The following GPC5 variants were observed in gnomAD, a reference collection of about 807,000 sequenced individuals.
The protein encoded by GPC5 is glypican 5, also known as glypican-5.
In GPC5, 47 loss-of-function variants were observed where a neutral mutation model predicts 53.9. The ratio of observed to expected loss-of-function variants is 0.87; its 90% CI spans 0.69 to 1.11. The LOEUF is 1.11. Among genes scored for constraint, GPC5 ranks in the 50% most tolerant of loss-of-function variants. The pLI, the probability that GPC5 is intolerant of heterozygous loss-of-function variation, is 0.00. For synonymous variants in GPC5, 286 were observed against 263.3 expected (o/e 1.09, Z -0.84); for missense variants, 748 against 713.1 (o/e 1.05, Z -0.56).
At chr13:92,215,842 A>T (rs1380870964) in intron 7 of GPC5, among the ~76,000 whole-genome samples, 1 of 152,166 alleles carries the variant, frequency 6.6e-6, no homozygotes, top group African/African-American at 2.4e-5. Context: ...GTGCTTGTTG[A>T]TGGTCTAGTG....
At chr13:91,956,340 C>T (rs1244184625) in intron 6 of GPC5, among the ~76,000 whole-genome samples, 1 of 152,182 alleles carries the variant, frequency 6.6e-6, no homozygotes. Context: ...GGCCTGGGGA[C>T]TGGCCTGCCC....
chr13:91,815,438 C>T (rs982426009), intron 5 of GPC5, among the ~76,000 whole-genome samples: 22 of 152,144 alleles, frequency 1.4e-4, no homozygotes, highest in African/African-American at 5.1e-4. Context: ...GTTTACTCCC[C>T]TATTTTCCTT....
At chr13:92,498,123 C>T (rs1880043878) in intron 7 of GPC5, among the ~76,000 whole-genome samples, 1 of 152,026 alleles carries the variant, frequency 6.6e-6, no homozygotes, top group Admixed American at 6.5e-5. Flanking sequence ...AATTCCACTA[C>T]TTAGGGCAGG....
At chr13:91,607,677 T>TGTGGCTTAGCCAATATAAG (rs2033416582) in intron 2 of GPC5, among the ~76,000 whole-genome samples, 2 of 152,220 alleles carry the variant, frequency 1.3e-5, no homozygotes, top group Admixed American at 1.3e-4. Flanking sequence ...TTCCAAGACG[T>TGTGGCTTAGCCAATATAAG]TGTTCTTAGC....
chr13:92,847,199 C>A (rs1878640221), intron 7 of GPC5, among the ~76,000 whole-genome samples: 1 of 152,112 alleles, frequency 6.6e-6, no homozygotes, highest in Non-Finnish European at 1.5e-5. Context: ...TTTTTTACAT[C>A]ATAATACTCT....
chr13:91,650,061 G>A (rs2034660284), intron 2 of GPC5, among the ~76,000 whole-genome samples: 1 of 149,378 alleles, frequency 6.7e-6, no homozygotes, highest in Admixed American at 6.6e-5. Context: ...CTGGAACATG[G>A]ACAAGGGGAC....
chr13:92,527,386 G>A (rs1881403159), intron 7 of GPC5, among the ~76,000 whole-genome samples: 1 of 152,058 alleles, frequency 6.6e-6, no homozygotes, highest in Non-Finnish European at 1.5e-5. Context: ...AATTTTAGAA[G>A]TGGTATCATA....
At chr13:92,684,455 G>C (rs1319333467) in intron 7 of GPC5, among the ~76,000 whole-genome samples, 1 of 151,816 alleles carries the variant, frequency 6.6e-6, no homozygotes, top group South Asian at 2.1e-4. Context: ...ATTTTTAGTA[G>C]AGACAGGATT....
chr13:92,302,407 A>C (rs1371785127), intron 7 of GPC5, among the ~76,000 whole-genome samples: 1 of 152,190 alleles, frequency 6.6e-6, no homozygotes, highest in African/African-American at 2.4e-5. Flanking sequence ...CTTGGATATA[A>C]CCCAAATGCA....
intron 7 of GPC5, among the ~76,000 whole-genome samples, chr13:92,329,526 A>G (rs920556158): frequency 2.6e-5 from 4 of 152,110 alleles, no homozygotes; most frequent in Non-Finnish European, 5.9e-5. Context: ...TCAACATGAG[A>G]TTTGGAGGGG....
chr13:92,439,568 G>A (rs765777066), intron 7 of GPC5, among the ~76,000 whole-genome samples: 5 of 152,130 alleles, frequency 3.3e-5, no homozygotes, highest in Non-Finnish European at 5.9e-5. Flanking sequence ...TTCATAAAGT[G>A]TGGGTACCAG....
chr13:92,124,774 C>A (rs950581052), intron 6 of GPC5, among the ~76,000 whole-genome samples: 1 of 152,118 alleles, frequency 6.6e-6, no homozygotes, highest in Non-Finnish European at 1.5e-5. Flanking sequence ...GAGACCACTA[C>A]TCTAGGTCAT....
At chr13:92,807,862 G>A (rs773918114) in intron 7 of GPC5, among the ~76,000 whole-genome samples, 5 of 152,040 alleles carry the variant, frequency 3.3e-5, no homozygotes, top group South Asian at 4.1e-4. Flanking sequence ...TGGATGGTTC[G>A]TTTGGCTTTT....
chr13:91,419,488 A>G (rs1594063320), intron 1 of GPC5, among the ~76,000 whole-genome samples: 1 of 152,208 alleles, frequency 6.6e-6, no homozygotes, highest in East Asian at 1.9e-4. Context: ...AATCCAGTCA[A>G]CAACGTGATT....
chr13:91,398,693 G>GGCAGCGGCGGCAGCGGCGGCAGCGGCA lies in GPC5; in HGVS notation c.-350_-349insCGGCGGCAGCGGCGGCAGCGGCAGCAG, dbSNP rs1376799595. 2 of 234,256 alleles carry GGCAGCGGCGGCAGCGGCGGCAGCGGCA rather than the reference G, an allele frequency of 8.5e-6. No homozygotes were observed. The highest frequency in any genetic ancestry group is 4.6e-5 in the African/African-American group (2 of 43,728). The allele number at this position is 234,256 out of a possible 1,614,324, so 14.5% of individuals were successfully genotyped here. A position where few individuals can be genotyped will look rare whatever the true frequency, so the allele number is the denominator to read the frequency against. ...CGGCGGCGGCAGTGGCGGCAGTGGCGGCAGTGGCGGCAGCGGCAGCAGTTG... is the reference window on the plus strand; with the variant it reads ...CGGCGGCGGCAGTGGCGGCAGTGGCGGCAGCGGCGGCAGCGGCGGCAGCGGCAGCAGTGGCGGCAGCGGCAGCAGTTG... On this transcript the variant is annotated 5_prime_UTR_variant, in exon 1 of 8. Transcript: ENST00000377067.
At chr13:92,093,614 T>C (rs551586336) in intron 6 of GPC5, among the ~76,000 whole-genome samples, 1 of 152,342 alleles carries the variant, frequency 6.6e-6, no homozygotes, top group African/African-American at 2.4e-5. Flanking sequence ...GTGTTTTCTT[T>C]TTAATACTTC....
intron 7 of GPC5, among the ~76,000 whole-genome samples, chr13:92,201,001 A>ACG (rs1351255391): frequency 1.2e-5 from 1 of 81,424 alleles, no homozygotes; most frequent in East Asian, 2.8e-4. Context: ...ACACACACAC[A>ACG]CACACACACG....
At chr13:92,847,966 G>C (rs1426105021) in intron 7 of GPC5, among the ~76,000 whole-genome samples, 1 of 152,152 alleles carries the variant, frequency 6.6e-6, no homozygotes, top group Non-Finnish European at 1.5e-5. Context: ...TTTGCACAAT[G>C]TCTGACTAGC....
intron 5 of GPC5, among the ~76,000 whole-genome samples, chr13:91,845,462 A>G (rs1305433085): frequency 6.6e-6 from 1 of 152,200 alleles, no homozygotes; most frequent in Non-Finnish European, 1.5e-5. Flanking sequence ...ACCACCTCAC[A>G]TAGTTACCTT....
Sources: gnomAD v4.1 joint callset for allele counts (sites outside exome capture counted in the v4.1 genomes callset) on GRCh38, gnomAD v4.1.1 for gene constraint, MANE v1.5 for transcripts, NCBI Gene and HGNC (gene_info 2026-07-23, HGNC 2026-07-21) for gene names.